The following ROBO2 variants were observed in gnomAD, a reference collection of about 807,000 sequenced individuals.
ROBO2 encodes the protein roundabout homolog 2.
ROBO2 carries 53 observed loss-of-function variants against 160.8 expected under a neutral mutation model. The observed-to-expected ratio is 0.33, with a 90% CI of 0.26 to 0.41. ROBO2 has a LOEUF of 0.41. Among genes scored for constraint, ROBO2 ranks in the 10% least tolerant of loss-of-function variants. The pLI is 1.00. For synonymous variants in ROBO2, 664 were observed against 611.7 expected (o/e 1.09, Z -1.26); for missense variants, 1,577 against 1,722.4 (o/e 0.92, Z 1.49).
intron 1 of ROBO2, among the ~76,000 whole-genome samples, chr3:75,934,578 T>A (rs1270985174): frequency 1.3e-5 from 2 of 152,198 alleles, no homozygotes; most frequent in Non-Finnish European, 2.9e-5. Flanking sequence ...GTTATGATTT[T>A]TATATTTATA....
chr3:75,958,646 T>C (rs1031701612), intron 2 of ROBO2, among the ~76,000 whole-genome samples: 2 of 151,452 alleles, frequency 1.3e-5, no homozygotes, highest in African/African-American at 4.8e-5. Context: ...AAGGAAGTGG[T>C]GGGAGAGGAG....
At chr3:76,334,698 G>A (rs2073745490) in intron 2 of ROBO2, among the ~76,000 whole-genome samples, 1 of 152,306 alleles carries the variant, frequency 6.6e-6, no homozygotes, top group South Asian at 2.1e-4. Context: ...ACATCTAAGT[G>A]TCGGTGTTTC....
intron 2 of ROBO2, among the ~76,000 whole-genome samples, chr3:77,382,910 G>A (rs894766852): frequency 2.0e-5 from 3 of 152,010 alleles, no homozygotes; most frequent in South Asian, 2.1e-4. Flanking sequence ...AGATCTATTT[G>A]TAATGTTTCA....
intron 2 of ROBO2, among the ~76,000 whole-genome samples, chr3:76,828,457 C>T (rs1016508482): frequency 1.8e-4 from 28 of 152,078 alleles, no homozygotes; most frequent in African/African-American, 6.8e-4. Flanking sequence ...ACTCTTAGCA[C>T]AAACTTAATG....
intron 1 of ROBO2, among the ~76,000 whole-genome samples, chr3:77,083,820 A>G (rs1396836269): frequency 6.6e-6 from 1 of 152,096 alleles, no homozygotes; most frequent in Non-Finnish European, 1.5e-5. Context: ...GAGAGAGGTG[A>G]GGGTTTCATT....
At chr3:76,731,334 C>G (rs895974255) in intron 2 of ROBO2, among the ~76,000 whole-genome samples, 5 of 152,146 alleles carry the variant, frequency 3.3e-5, no homozygotes, top group African/African-American at 1.2e-4. Context: ...AGGGAAGACA[C>G]TGGGTACCAC....
chr3:76,029,049 G>A (rs956308180), intron 2 of ROBO2, among the ~76,000 whole-genome samples: 1 of 151,706 alleles, frequency 6.6e-6, no homozygotes, highest in Non-Finnish European at 1.5e-5. Flanking sequence ...TACAGTTCTG[G>A]AACAAGAAGC....
intron 2 of ROBO2, among the ~76,000 whole-genome samples, chr3:77,131,114 T>C (rs1010467369): frequency 6.6e-6 from 1 of 152,156 alleles, no homozygotes; most frequent in African/African-American, 2.4e-5. Flanking sequence ...CAGCATATTC[T>C]CTATGTGGGT....
chr3:76,641,334 A>G (rs1385853044), intron 2 of ROBO2, among the ~76,000 whole-genome samples: 1 of 152,188 alleles, frequency 6.6e-6, no homozygotes, highest in Non-Finnish European at 1.5e-5. Context: ...CTTTGATATG[A>G]TGCATACAGA....
chr3:77,588,891 T>A, exon 17 of ROBO2: 1 of 1,613,420 alleles, frequency 6.2e-7, no homozygotes, highest in Non-Finnish European at 8.5e-7. Flanking sequence ...CATATGGTTG[T>A]ATTGGCGAAG....
At chr3:77,421,182 T>C (rs1473756774) in intron 2 of ROBO2, among the ~76,000 whole-genome samples, 9 of 152,310 alleles carry the variant, frequency 5.9e-5, no homozygotes, top group African/African-American at 2.2e-4. Flanking sequence ...AGAATTATTT[T>C]ATACATTAGA....
intron 13 of ROBO2, among the ~76,000 whole-genome samples, chr3:77,572,118 CCCTT>C (rs1419504904): frequency 1.3e-5 from 2 of 151,910 alleles, no homozygotes; most frequent in Admixed American, 1.3e-4. Flanking sequence ...TTTACAGACT[CCCTT>C]CATCTGGAAA....
At chr3:76,169,655 TAATA>T (rs532849477) in intron 2 of ROBO2, among the ~76,000 whole-genome samples, 3 of 152,192 alleles carry the variant, frequency 2.0e-5, no homozygotes, top group Admixed American at 1.3e-4. Context: ...TCATTGATAA[TAATA>T]AATAATCATT....
At chr3:76,560,674 T>C (rs562609880) in intron 2 of ROBO2, among the ~76,000 whole-genome samples, 4 of 149,890 alleles carry the variant, frequency 2.7e-5, no homozygotes, top group Admixed American at 6.7e-5. Flanking sequence ...GGTAAGTCTA[T>C]AGTCAGGAGG....
rs145180012 is a variant in ROBO2 at position 77,027,350 on chromosome 3, G to A, written c.110-70664G>A. Among the ~76,000 whole-genome samples, 496 of 152,220 alleles carry A rather than the reference G, an allele frequency of 3.3e-3. 3 individuals carry two copies. Among genetic ancestry groups the A allele is most frequent in the Non-Finnish European group, 3.3e-3 (223 of 68,014 alleles). On this transcript the variant is annotated intron_variant, in intron 2 of 26. Coordinates refer to the ROBO2 transcript ENST00000487694. ...TTAGGCCTCTATTCTAAAGCTAAGGGCCCAAACACTCATTCAAGTGACATC... is the reference window on the plus strand; with the variant it reads ...TTAGGCCTCTATTCTAAAGCTAAGGACCCAAACACTCATTCAAGTGACATC...
chr3:77,184,486 T>A (rs1269824398), intron 2 of ROBO2, among the ~76,000 whole-genome samples: 1 of 151,872 alleles, frequency 6.6e-6, no homozygotes, highest in Non-Finnish European at 1.5e-5. Context: ...TGTGAAGAGG[T>A]CAAAGGATCA....
At chr3:76,450,329 G>T (rs1292534507) in intron 2 of ROBO2, among the ~76,000 whole-genome samples, 1 of 152,030 alleles carries the variant, frequency 6.6e-6, no homozygotes, top group Non-Finnish European at 1.5e-5. Flanking sequence ...AGTTTTATAG[G>T]TAATTGAGAC....
chr3:76,438,193 G>A (rs956102746), intron 2 of ROBO2, among the ~76,000 whole-genome samples: 4 of 151,986 alleles, frequency 2.6e-5, no homozygotes, highest in Non-Finnish European at 1.5e-5. Flanking sequence ...TTTGTTGGGG[G>A]AGCCTATCAA....
intron 2 of ROBO2, among the ~76,000 whole-genome samples, chr3:76,758,277 G>T (rs2061100289): frequency 6.6e-6 from 1 of 151,682 alleles, no homozygotes; most frequent in Non-Finnish European, 1.5e-5. Context: ...TATCCGTCCT[G>T]TTGAACAAAG....
Sources: allele counts gnomAD v4.1 joint callset (sites outside exome capture counted in the v4.1 genomes callset), GRCh38; gene constraint gnomAD v4.1.1; transcripts MANE v1.5; gene names NCBI Gene and HGNC (gene_info 2026-07-23, HGNC 2026-07-21).